Variants in MEGF9 observed in about 807,000 individuals in gnomAD.
MEGF9 encodes the protein multiple epidermal growth factor-like domains protein 9.
Under a neutral mutation model 46.8 loss-of-function variants are expected in MEGF9, and 6 were observed. The ratio of observed to expected loss-of-function variants is 0.13; its 90% CI spans 0.07 to 0.25. The LOEUF is 0.25. MEGF9 is among the 10% of genes least tolerant of loss of function. The pLI, the probability that MEGF9 is intolerant of heterozygous loss-of-function variation, is 1.00. For synonymous variants in MEGF9, 302 were observed against 330.7 expected (o/e 0.91, Z 0.94); for missense variants, 683 against 792.4 (o/e 0.86, Z 1.66).
intron 2 of MEGF9, among the ~76,000 whole-genome samples, chr9:120,637,443 AAAAG>A (rs1189624660): frequency 1.3e-5 from 2 of 152,130 alleles, no homozygotes; most frequent in African/African-American, 4.8e-5. Context: ...AGTTTAAAAA[AAAAG>A]AGAGAAGAAA....
intron 1 of MEGF9, among the ~76,000 whole-genome samples, chr9:120,679,613 T>TA (rs930514766): frequency 2.6e-5 from 4 of 151,780 alleles, no homozygotes; most frequent in African/African-American, 7.3e-5. Flanking sequence ...CCCTAGAACT[T>TA]AAAGTATAAT....
chr9:120,661,391 C>T (rs940033396), intron 1 of MEGF9, among the ~76,000 whole-genome samples: 2 of 152,186 alleles, frequency 1.3e-5, no homozygotes, highest in African/African-American at 4.8e-5. Context: ...CTGGCATGGG[C>T]CTGTAGTCCT....
intron 2 of MEGF9, among the ~76,000 whole-genome samples, chr9:120,634,264 G>GGTGCTCCA (rs1218540186): frequency 6.6e-6 from 1 of 151,688 alleles, no homozygotes; most frequent in Non-Finnish European, 1.5e-5. Flanking sequence ...TGCATATGTG[G>GGTGCTCCA]GTGCTCCAGT....
At chr9:120,689,172 C>T (rs1175892691) in intron 1 of MEGF9, among the ~76,000 whole-genome samples, 1 of 152,082 alleles carries the variant, frequency 6.6e-6, no homozygotes, top group Non-Finnish European at 1.5e-5. Context: ...CATGGAGAAC[C>T]ACCTAATTCA....
chr9:120,693,268 G>A (rs1466365382), intron 1 of MEGF9, among the ~76,000 whole-genome samples: 3 of 96,664 alleles, frequency 3.1e-5, no homozygotes, highest in Non-Finnish European at 6.6e-5. Flanking sequence ...AATTTTGTCT[G>A]GTTAACCAAA....
chr9:120,614,452 ATGACAT>A lies in MEGF9; in HGVS notation c.944-1919_944-1914del, dbSNP rs376880569. Among the ~76,000 whole-genome samples, 70 of 152,320 alleles carry A rather than the reference ATGACAT, an allele frequency of 4.6e-4. 2 individuals are homozygous for A. In the East Asian group the frequency reaches 0.011, roughly 23 times the overall value. ...TAATTGTAAAGGCCTGATAGTGTTAATGACATTTTTCCCACATAACAAAGTAGTATA... is the reference window on the plus strand; with the variant it reads ...TAATTGTAAAGGCCTGATAGTGTTAATTTTCCCACATAACAAAGTAGTATA... On this transcript the variant is annotated intron_variant, in intron 3 of 5. Coordinates refer to ENST00000373930, the MANE Select transcript of MEGF9 (RefSeq NM_001080497.3).
chr9:120,640,548 T>G (rs1218631553), intron 2 of MEGF9, among the ~76,000 whole-genome samples: 2 of 152,112 alleles, frequency 1.3e-5, no homozygotes, highest in Non-Finnish European at 2.9e-5. Context: ...GCCTGGCATG[T>G]GATAGGCATG....
chr9:120,612,185 C>G (rs926296772), intron 4 of MEGF9, among the ~76,000 whole-genome samples: 2 of 152,104 alleles, frequency 1.3e-5, no homozygotes, highest in Non-Finnish European at 2.9e-5. Context: ...CCTGCATTAA[C>G]TCATTATGCA....
chr9:120,632,733 G>T (rs1177187460), intron 2 of MEGF9, among the ~76,000 whole-genome samples: 1 of 152,094 alleles, frequency 6.6e-6, no homozygotes, highest in Non-Finnish European at 1.5e-5. Context: ...CTGTTGGTTT[G>T]TCATATTGGC....
intron 1 of MEGF9, among the ~76,000 whole-genome samples, chr9:120,692,800 C>T (rs1299137086): frequency 6.6e-6 from 1 of 152,160 alleles, no homozygotes; most frequent in Non-Finnish European, 1.5e-5. Flanking sequence ...TCCTTCCCCT[C>T]TTCTACCTGA....
rs778775937 is a variant in MEGF9, at chr9:120,604,249, CAAG to C, written c.*938_*940del. Reference sequence around the variant, plus strand: ...CTCTTATAAATTTCAGCAATGTCCTCAAGAAGGACTAAAAATGACGGATGCTCA... The same window carrying C: ...CTCTTATAAATTTCAGCAATGTCCTCAAGGACTAAAAATGACGGATGCTCA... On this transcript the variant is annotated 3_prime_UTR_variant, in exon 6 of 6. Transcript: ENST00000373930. 1.7e-4 allele frequency: 26 copies of C among 152,480 alleles called. No homozygotes were observed. Among genetic ancestry groups the C allele is most frequent in the African/African-American group, 5.1e-4 (21 of 41,564 alleles). 9.4% of individuals were successfully genotyped at this position (152,480 alleles called of 1,614,324 possible). A position where few individuals can be genotyped will look rare whatever the true frequency, so the allele number is the denominator to read the frequency against.
At chr9:120,640,144 C>T (rs1378814559) in intron 2 of MEGF9, among the ~76,000 whole-genome samples, 1 of 152,154 alleles carries the variant, frequency 6.6e-6, no homozygotes, top group East Asian at 1.9e-4. Context: ...TTCTGGATAT[C>T]TGTGTATATA....
intron 3 of MEGF9, among the ~76,000 whole-genome samples, chr9:120,619,469 C>A (rs1564413486): frequency 6.6e-6 from 1 of 152,212 alleles, no homozygotes; most frequent in Non-Finnish European, 1.5e-5. Context: ...ATTTAATCTT[C>A]ACGACAACCC....
chr9:120,619,713 T>C (rs1257297430), intron 3 of MEGF9, among the ~76,000 whole-genome samples: 2 of 152,224 alleles, frequency 1.3e-5, no homozygotes, highest in East Asian at 3.8e-4. Context: ...TAGAATTCTT[T>C]CCTTAGAATA....
At chr9:120,653,507 G>A (rs369669094) in intron 2 of MEGF9, among the ~76,000 whole-genome samples, 9 of 151,916 alleles carry the variant, frequency 5.9e-5, no homozygotes, top group African/African-American at 2.2e-4. Context: ...AAGCAGCTGG[G>A]ATTACAGGCG....
At chr9:120,651,903 G>C (rs886531478) in intron 2 of MEGF9, among the ~76,000 whole-genome samples, 3 of 151,228 alleles carry the variant, frequency 2.0e-5, no homozygotes, top group African/African-American at 7.3e-5. Flanking sequence ...CACCCACCTC[G>C]GCCTCCCAAA....
At chr9:120,705,342 G>C (rs1051717380) in intron 1 of MEGF9, among the ~76,000 whole-genome samples, 4 of 151,782 alleles carry the variant, frequency 2.6e-5, no homozygotes, top group African/African-American at 7.2e-5. Context: ...TGTTCATCTA[G>C]AAAGACGTCT....
At chr9:120,630,450 G>A (rs1482943491) in intron 2 of MEGF9, among the ~76,000 whole-genome samples, 1 of 152,160 alleles carries the variant, frequency 6.6e-6, no homozygotes, top group African/African-American at 2.4e-5. Flanking sequence ...CTTGGCTATT[G>A]TGAAGTGCTG....
At chr9:120,627,517 C>G (rs1366393010) in intron 2 of MEGF9, among the ~76,000 whole-genome samples, 5 of 152,096 alleles carry the variant, frequency 3.3e-5, no homozygotes, top group African/African-American at 1.2e-4. Flanking sequence ...TGGAGTGGTG[C>G]AGTGGCACAA....
Sources: allele counts gnomAD v4.1 joint callset (sites outside exome capture counted in the v4.1 genomes callset), GRCh38; gene constraint gnomAD v4.1.1; transcripts MANE v1.5; gene names NCBI Gene and HGNC (gene_info 2026-07-23, HGNC 2026-07-21).